Variants in BBS9 observed in about 807,000 individuals in gnomAD.
The protein encoded by BBS9 is Bardet-Biedl syndrome 9.
A neutral mutation model predicts 117.7 loss-of-function variants in BBS9; 89 were observed. The ratio of observed to expected loss-of-function variants is 0.76; its 90% CI spans 0.64 to 0.90. The LOEUF is 0.90. Ranked by LOEUF, BBS9 falls within the 40% of genes least tolerant of loss-of-function variation. BBS9 has a pLI of 0.00. For missense variants in BBS9, 982 were observed against 1,042.2 expected, an observed-to-expected ratio of 0.94 and a Z score of 0.80; for synonymous variants, 379 against 370.9, an observed-to-expected ratio of 1.02 and a Z score of -0.25.
chr7:33,163,438 C>T (rs747165894), intron 4 of BBS9, among the ~76,000 whole-genome samples: 6 of 152,102 alleles, frequency 3.9e-5, no homozygotes, highest in South Asian at 2.1e-4. Context: ...TGGTAGAATT[C>T]GGCTGTGAGT....
intron 20 of BBS9, among the ~76,000 whole-genome samples, chr7:33,506,115 T>C (rs984497716): frequency 3.3e-5 from 5 of 152,190 alleles, no homozygotes; most frequent in African/African-American, 1.2e-4. Context: ...GTTCTTTATG[T>C]GTAGTTTATA....
intron 19 of BBS9, among the ~76,000 whole-genome samples, chr7:33,392,890 G>T (rs1827300188): frequency 6.6e-6 from 1 of 152,110 alleles, no homozygotes; most frequent in Non-Finnish European, 1.5e-5. Context: ...AGCAGGCTGG[G>T]TATGGTGACT....
chr7:33,620,097 AGAGT>A (rs1415608509), intron 21 of BBS9, among the ~76,000 whole-genome samples: 1 of 152,032 alleles, frequency 6.6e-6, no homozygotes. Flanking sequence ...ACCTTTAGCT[AGAGT>A]AAGAAAAAAA....
rs542787403 is a variant in BBS9 at position 33,593,959 on chromosome 7, G to A, written c.2522-10906G>A. Reference sequence around the variant, plus strand: ...ATGTTTCTGTAATTTCTTAATTCTCGCCACCAAGTGAGTCTAAATTCTAAC... The same window carrying A: ...ATGTTTCTGTAATTTCTTAATTCTCACCACCAAGTGAGTCTAAATTCTAAC... On this transcript the variant is annotated intron_variant, in intron 21 of 22. Transcript: ENST00000242067. 9.2e-5 allele frequency among the ~76,000 whole-genome samples: 14 copies of A among 152,050 alleles called. No individual in the cohort carries two copies. The South Asian group carries it at 2.5e-3, about 27-fold the overall frequency.
At chr7:33,602,821 G>A (rs186772596) in intron 21 of BBS9, among the ~76,000 whole-genome samples, 1 of 152,176 alleles carries the variant, frequency 6.6e-6, no homozygotes, top group Non-Finnish European at 1.5e-5. Context: ...CTGAGGAGGT[G>A]CATGCAATCT....
intron 21 of BBS9, among the ~76,000 whole-genome samples, chr7:33,614,796 A>G (rs1445257346): frequency 6.6e-6 from 1 of 152,058 alleles, no homozygotes. Flanking sequence ...GTGAATATTT[A>G]AGGAAAATCC....
At chr7:33,414,048 A>G (rs1281376883) in intron 19 of BBS9, among the ~76,000 whole-genome samples, 1 of 152,050 alleles carries the variant, frequency 6.6e-6, no homozygotes, top group Non-Finnish European at 1.5e-5. Context: ...ACAAAACAAA[A>G]AACGAAAACA....
intron 21 of BBS9, among the ~76,000 whole-genome samples, chr7:33,564,094 T>G (rs978823866): frequency 1.3e-5 from 2 of 152,208 alleles, no homozygotes; most frequent in Non-Finnish European, 2.9e-5. Flanking sequence ...GAAGATTGTC[T>G]TCTTTTGAGC....
chr7:33,198,354 A>G (rs944148611), intron 5 of BBS9, among the ~76,000 whole-genome samples: 1 of 151,988 alleles, frequency 6.6e-6, no homozygotes, highest in Non-Finnish European at 1.5e-5. Context: ...TGTCCTAAAG[A>G]TGAAATTTAT....
chr7:33,240,387 A>G (rs1217068052), intron 5 of BBS9, among the ~76,000 whole-genome samples: 1 of 151,590 alleles, frequency 6.6e-6, no homozygotes, highest in African/African-American at 2.4e-5. Flanking sequence ...CTTCCTGAGT[A>G]GCTGGGACAA....
rs529776008 is a variant in BBS9 at position 33,339,365 on chromosome 7, G to A, written c.1199-1532G>A. On this transcript the variant is annotated intron_variant, in intron 10 of 22. Coordinates refer to ENST00000242067, the MANE Select transcript of BBS9 (RefSeq NM_198428.3). ...GGCTGGGGAATTACATGACTTAGCT[G>A]AGTATTTTGTTGCTTAGAATAAAGT... Among the ~76,000 whole-genome samples, 6 of 152,306 alleles carry A rather than the reference G, an allele frequency of 3.9e-5. No homozygotes were observed. In the East Asian group the frequency reaches 1.2e-3, roughly 29 times the overall value.
chr7:33,137,578 A>C (rs974009527), intron 1 of BBS9, among the ~76,000 whole-genome samples: 8 of 152,112 alleles, frequency 5.3e-5, no homozygotes, highest in African/African-American at 1.9e-4. Context: ...TATCAAAGGA[A>C]ATTAGTGGTA....
At chr7:33,599,914 G>T (rs1013848447) in intron 21 of BBS9, among the ~76,000 whole-genome samples, 6 of 152,120 alleles carry the variant, frequency 3.9e-5, no homozygotes, top group Non-Finnish European at 8.8e-5. Flanking sequence ...GCTGGTGGGA[G>T]AGAGAGATTG....
chr7:33,510,220 G>C (rs564434118), intron 20 of BBS9, among the ~76,000 whole-genome samples: 133 of 152,154 alleles, frequency 8.7e-4, no homozygotes, highest in Non-Finnish European at 1.6e-3. Flanking sequence ...AAAATAAATT[G>C]TTTTCATATC....
rs781293442 is a variant in BBS9, at chr7:33,273,843, A to G, written c.903A>G (p.Ile301Met). 13 of 1,610,270 alleles carry G rather than the reference A, an allele frequency of 8.1e-6. No homozygotes were observed. The highest frequency in any genetic ancestry group is 3.4e-6 in the Non-Finnish European group (4 of 1,176,832). ...LPYCSVSEGT[I>M]NTLIGNHNNM... is the part of the protein sequence containing the mutation. ...AACTTACAGTTTCTGAAGGAACAAT[A>G]AATACTTTGATTGGAAATCATAATA... The change falls in exon 9 of 23, where the codon ATA becomes ATG. Residue 301 changes from isoleucine (I) to methionine (M), a missense_variant. Ile to Met is a conservative substitution (Grantham distance 10). Transcript: ENST00000242067.
chr7:33,270,001 G>A (rs188627652), intron 7 of BBS9, among the ~76,000 whole-genome samples: 142 of 131,692 alleles, frequency 1.1e-3, no homozygotes, highest in African/African-American at 3.9e-3. Flanking sequence ...CCAGCCTGGC[G>A]ACAGAGCAAG....
intron 5 of BBS9, among the ~76,000 whole-genome samples, chr7:33,197,696 T>A (rs920042180): frequency 6.6e-6 from 1 of 151,952 alleles, no homozygotes. Flanking sequence ...TTTTCAGTTT[T>A]TGGCCAATAT....
Position 33,303,492 on chromosome 7 carries a change from C to T in BBS9, c.1016+29536C>T, listed in dbSNP as rs867999762. ...AGAGGATGTTGAATTTTCTCAAATG[C>T]TTTTTTTAGTATCAACTGAAATGAT... On this transcript the variant is annotated intron_variant, in intron 9 of 22. Coordinates refer to ENST00000242067, the MANE Select transcript of BBS9 (RefSeq NM_198428.3). Among the ~76,000 whole-genome samples, 5 of 141,628 alleles carry T rather than the reference C, an allele frequency of 3.5e-5. 1 individual carries two copies. The highest frequency in any genetic ancestry group is 1.0e-4 in the African/African-American group (4 of 38,510). 92.9% of individuals were successfully genotyped at this position (141,628 alleles called of 152,430 possible). A position where few individuals can be genotyped will look rare whatever the true frequency, so the allele number is the denominator to read the frequency against.
In BBS9 at chr7:33,534,119, G is replaced by A. The variant is rs568983909; in HGVS notation, c.2464G>A (p.Gly822Ser). The A allele has an allele frequency of 2.5e-6, 4 of 1,614,032 alleles. No individual in the cohort carries two copies. The highest frequency in any genetic ancestry group is 3.4e-6 in the Non-Finnish European group (4 of 1,180,046). ...CTTGCTCTGCGATAGATTATCCAAA[G>A]GTGGCCGTCTCTGCCTAAGTACCGA... is the stretch of plus-strand genomic sequence containing the variant. ...ITLLCDRLSK[G>S]GRLCLSTDAA... is the part of the protein sequence containing the mutation. Residue 822 changes from glycine (G) to serine (S), a missense_variant, in exon 21 of 23, where the codon GGT (glycine) becomes AGT (serine). Transcript: ENST00000242067.
Sources: gnomAD v4.1 joint callset for allele counts (sites outside exome capture counted in the v4.1 genomes callset) on GRCh38, gnomAD v4.1.1 for gene constraint, MANE v1.5 for transcripts, NCBI Gene and HGNC (gene_info 2026-07-23, HGNC 2026-07-21) for gene names.